ARB2A: variants seen among roughly 807,000 people sequenced by gnomAD.
ARB2A encodes the protein cotranscriptional regulator ARB2A.
At chr5:94,057,290 T>C in the ARB2A span, among the ~76,000 whole-genome samples, 1 of 147,934 alleles carries the variant, frequency 6.8e-6, no homozygotes, top group Non-Finnish European at 1.5e-5. Flanking sequence ...GAAGGACAAA[T>C]ATTATATATT....
the ARB2A span, among the ~76,000 whole-genome samples, chr5:94,017,664 G>A: frequency 7.2e-5 from 11 of 152,284 alleles, no homozygotes; most frequent in South Asian, 2.3e-3. Context: ...AAACAACAGA[G>A]AATACCTGAT....
chr5:93,851,708 G>A, the ARB2A span, among the ~76,000 whole-genome samples: 1 of 152,108 alleles, frequency 6.6e-6, no homozygotes, highest in East Asian at 1.9e-4. Context: ...GTGGTGTTTG[G>A]TTTTTTGTTC....
At chr5:93,650,219 C>G in the ARB2A span, among the ~76,000 whole-genome samples, 5 of 149,388 alleles carry the variant, frequency 3.3e-5, no homozygotes, top group Admixed American at 2.0e-4. Context: ...TTGGAATTAG[C>G]AAACAAAGAC....
the ARB2A span, among the ~76,000 whole-genome samples, chr5:93,865,201 C>A: frequency 6.6e-5 from 10 of 152,144 alleles, no homozygotes; most frequent in Non-Finnish European, 1.5e-4. Context: ...CCTGCCTCAG[C>A]CTCCTGAGTA....
the ARB2A span, among the ~76,000 whole-genome samples, chr5:94,054,803 T>C: frequency 6.6e-6 from 1 of 152,210 alleles, no homozygotes; most frequent in Non-Finnish European, 1.5e-5. Flanking sequence ...ACTCAATCAC[T>C]TATTTATATC....
At chr5:94,011,816 G>A in the ARB2A span, among the ~76,000 whole-genome samples, 1 of 148,224 alleles carries the variant, frequency 6.7e-6, no homozygotes, top group African/African-American at 2.5e-5. Context: ...GAGTCAAGTA[G>A]CACAGACATG....
At chr5:93,830,325 A>G in the ARB2A span, among the ~76,000 whole-genome samples, 9,726 of 67,770 alleles carry the variant, frequency 0.14, 1,067 homozygotes, top group African/African-American at 0.27. Flanking sequence ...ATATATATAT[A>G]TATATATATA....
the ARB2A span, among the ~76,000 whole-genome samples, chr5:94,043,303 T>A: frequency 6.6e-6 from 1 of 152,218 alleles, no homozygotes; most frequent in Admixed American, 6.5e-5. Context: ...CGTTTTACAG[T>A]CAAGAAAACT....
chr5:93,992,304 A>T, the ARB2A span, among the ~76,000 whole-genome samples: 2 of 152,062 alleles, frequency 1.3e-5, no homozygotes, highest in African/African-American at 4.8e-5. Context: ...CCAGATGGAA[A>T]CCCAGATATA....
At chr5:93,782,032 G>A in the ARB2A span, 1 of 548,298 alleles carries the variant, frequency 1.8e-6, no homozygotes, top group Non-Finnish European at 2.3e-6. Context: ...CTCTTATCTT[G>A]CCAACCCACA....
At chr5:93,875,860 GC>G in the ARB2A span, among the ~76,000 whole-genome samples, 63 of 151,870 alleles carry the variant, frequency 4.1e-4, no homozygotes, top group African/African-American at 1.5e-3. Context: ...TCTAAGGGAA[GC>G]AAAATCCGAT....
the ARB2A span, among the ~76,000 whole-genome samples, chr5:94,012,463 T>G: frequency 6.6e-6 from 1 of 152,172 alleles, no homozygotes; most frequent in Non-Finnish European, 1.5e-5. Flanking sequence ...CAGGAGCATT[T>G]TGTGTTTCTT....
At chr5:93,632,028 C>T in the ARB2A span, among the ~76,000 whole-genome samples, 1 of 152,062 alleles carries the variant, frequency 6.6e-6, no homozygotes, top group African/African-American at 2.4e-5. Context: ...TTGACTAATT[C>T]GTACATGCAT....
At chr5:93,855,225 G>T in the ARB2A span, among the ~76,000 whole-genome samples, 16 of 151,982 alleles carry the variant, frequency 1.1e-4, no homozygotes, top group Non-Finnish European at 2.2e-4. Flanking sequence ...GCCTTCTCTG[G>T]CTCTTTTGAT....
At chr5:93,671,151 G>C in the ARB2A span, among the ~76,000 whole-genome samples, 455 of 152,198 alleles carry the variant, frequency 3.0e-3, 3 homozygotes, top group African/African-American at 0.011. Context: ...CAGGGTACTG[G>C]TAATTAAAAA....
At chr5:93,626,018 CG>C in the ARB2A span, among the ~76,000 whole-genome samples, 2 of 152,052 alleles carry the variant, frequency 1.3e-5, no homozygotes, top group Non-Finnish European at 2.9e-5. Context: ...AGTATTTTTG[CG>C]GGGGCAGGGG....
the ARB2A span, among the ~76,000 whole-genome samples, chr5:93,723,015 A>C: frequency 1.3e-5 from 2 of 152,156 alleles, no homozygotes; most frequent in Non-Finnish European, 2.9e-5. Flanking sequence ...ATTAAAGCAA[A>C]TTAAACCATA....
At chr5:93,797,685 G>A in the ARB2A span, among the ~76,000 whole-genome samples, 4 of 152,214 alleles carry the variant, frequency 2.6e-5, no homozygotes, top group African/African-American at 9.6e-5. Flanking sequence ...CAGTACTACA[G>A]ACTGCAATTC....
chr5:93,627,491 C>T, the ARB2A span, among the ~76,000 whole-genome samples: 2 of 144,156 alleles, frequency 1.4e-5, no homozygotes, highest in Non-Finnish European at 3.0e-5. Flanking sequence ...TCACCTACTG[C>T]TGGAGTGCAG....
Sources: gnomAD v4.1 joint callset for allele counts (sites outside exome capture counted in the v4.1 genomes callset) on GRCh38, gnomAD v4.1.1 for gene constraint, MANE v1.5 for transcripts, NCBI Gene and HGNC (gene_info 2026-07-23, HGNC 2026-07-21) for gene names.